The following CENPQ variants were observed in gnomAD, a reference collection of about 807,000 sequenced individuals.
The protein encoded by CENPQ is chromosome 6 open reading frame 139.
CENPQ carries 27 observed loss-of-function variants against 36.6 expected under a neutral mutation model. The observed-to-expected ratio is 0.74, with a 90% CI of 0.54 to 1.02. The LOEUF (loss-of-function observed/expected upper bound fraction) is 1.02. Among genes scored for constraint, CENPQ ranks in the 50% least tolerant of loss-of-function variants. The pLI, the probability that CENPQ is intolerant of heterozygous loss-of-function variation, is 0.00. For synonymous variants in CENPQ, 101 were observed against 101.7 expected, an observed-to-expected ratio of 0.99 and a Z score of 0.04; for missense variants, 306 against 301.8, an observed-to-expected ratio of 1.01 and a Z score of -0.10.
intron 6 of CENPQ, among the ~76,000 whole-genome samples, chr6:49,482,796 C>A (rs964038674): frequency 4.6e-5 from 7 of 152,022 alleles, no homozygotes; most frequent in Admixed American, 3.9e-4. Context: ...GCCACAGACC[C>A]TCGTGGTGAG....
At chr6:49,466,727 G>A (rs990484556) in intron 1 of CENPQ, among the ~76,000 whole-genome samples, 3 of 151,930 alleles carry the variant, frequency 2.0e-5, no homozygotes, top group East Asian at 3.9e-4. Flanking sequence ...CTCAAATACC[G>A]TTCTAGGTGG....
intron 5 of CENPQ, 57 bp from the exon 6 acceptor site, chr6:49,480,894 A>C: frequency 7.8e-7 from 1 of 1,287,870 alleles, no homozygotes; most frequent in Non-Finnish European, 1.1e-6. Context: ...GGACTGTTTT[A>C]AAATAATAAT....
At chr6:49,483,842 G>A (rs1444649106) in intron 6 of CENPQ, among the ~76,000 whole-genome samples, 1 of 152,202 alleles carries the variant, frequency 6.6e-6, no homozygotes, top group Non-Finnish European at 1.5e-5. Flanking sequence ...TCCAGCCTTG[G>A]CCAGCCCAGA....
chr6:49,467,204 G>A (rs985904633), intron 1 of CENPQ, among the ~76,000 whole-genome samples: 2 of 152,208 alleles, frequency 1.3e-5, no homozygotes, highest in Non-Finnish European at 2.9e-5. Flanking sequence ...CTCAAACTCT[G>A]TTAGACCAGT....
At chr6:49,472,032 T>C (rs1768147505) in intron 3 of CENPQ, 31 bp from the exon 4 acceptor site, 1 of 1,574,956 alleles carries the variant, frequency 6.3e-7, no homozygotes, top group African/African-American at 1.4e-5. Context: ...ACATCTAGAT[T>C]GATCAGAGCC....
chr6:49,480,435 A>G (rs1768400147), intron 5 of CENPQ, among the ~76,000 whole-genome samples: 1 of 152,166 alleles, frequency 6.6e-6, no homozygotes, highest in African/African-American at 2.4e-5. Flanking sequence ...TTAGTGTTTT[A>G]TTTGCCTTAA....
chr6:49,483,723 T>G (rs1581853871), intron 6 of CENPQ, among the ~76,000 whole-genome samples: 1 of 152,214 alleles, frequency 6.6e-6, no homozygotes, highest in East Asian at 1.9e-4. Flanking sequence ...TGGGGCCTGC[T>G]AAACCCACGC....
chr6:49,468,378 A>G (rs1193283470), intron 1 of CENPQ, among the ~76,000 whole-genome samples: 1 of 151,806 alleles, frequency 6.6e-6, no homozygotes, highest in African/African-American at 2.4e-5. Context: ...GGATCACTTG[A>G]GGTCAGGAGT....
chr6:49,491,662 T>C (rs1466493625), intron 8 of CENPQ, among the ~76,000 whole-genome samples: 2 of 152,186 alleles, frequency 1.3e-5, no homozygotes, highest in Non-Finnish European at 2.9e-5. Context: ...ACACCTGTAA[T>C]CCCAGCACTT....
chr6:49,482,152 C>A (rs1435003442), intron 6 of CENPQ, among the ~76,000 whole-genome samples: 1 of 152,192 alleles, frequency 6.6e-6, no homozygotes, highest in Non-Finnish European at 1.5e-5. Flanking sequence ...CACCGGAACT[C>A]CAGCTGGCCC....
intron 1 of CENPQ, among the ~76,000 whole-genome samples, chr6:49,467,007 CAG>C (rs1003366035): frequency 1.4e-4 from 22 of 152,238 alleles, no homozygotes; most frequent in African/African-American, 5.3e-4. Flanking sequence ...TGGCTCTACT[CAG>C]GGGTTGGAAG....
intron 6 of CENPQ, among the ~76,000 whole-genome samples, chr6:49,487,487 T>C (rs1339937531): frequency 9.5e-6 from 1 of 104,956 alleles, no homozygotes; most frequent in Non-Finnish European, 2.0e-5. Flanking sequence ...GAAGCCAAAA[T>C]ATATTTCTTG....
At chr6:49,474,431 G>A (rs552394753) in intron 5 of CENPQ, among the ~76,000 whole-genome samples, 25 of 152,200 alleles carry the variant, frequency 1.6e-4, no homozygotes, top group African/African-American at 4.6e-4. Flanking sequence ...GGTACATAAC[G>A]AAATGAAGGC....
At chr6:49,471,961 C>T in intron 3 of CENPQ, 102 bp from the exon 4 acceptor site, 1 of 1,292,374 alleles carries the variant, frequency 7.7e-7, no homozygotes. Flanking sequence ...ATATTTTGTT[C>T]TGATAATTTC....
Position 49,470,982 on chromosome 6 carries a change from C to A in CENPQ, c.111C>A (p.Asn37Lys). 1.3e-6 allele frequency: 2 copies of A among 1,520,434 alleles called. No homozygotes were observed. Among genetic ancestry groups the A allele is most frequent in the Non-Finnish European group, 1.8e-6 (2 of 1,128,104 alleles). 94.2% of individuals were successfully genotyped at this position (1,520,434 alleles called of 1,614,324 possible). Residue 37 changes from asparagine to lysine, a missense_variant, in exon 3 of 9, where the codon AAC becomes AAA. By Grantham distance (94) the Asn-to-Lys change is moderately conservative. Coordinates refer to ENST00000335783, the MANE Select transcript of CENPQ (RefSeq NM_018132.4). Reference sequence around the variant, plus strand: ...TGTGTTTTTCCCTCTAGGTTAGAAACACAGTGAAAAAAAATAAAAATCATC... The same window carrying A: ...TGTGTTTTTCCCTCTAGGTTAGAAAAACAGTGAAAAAAAATAAAAATCATC... ...EVVLSENKVR[N>K]TVKKNKNHLK...
At chr6:49,472,031 T>C in intron 3 of CENPQ, 32 bp from the exon 4 acceptor site, 1 of 1,574,836 alleles carries the variant, frequency 6.3e-7, no homozygotes, top group Non-Finnish European at 8.6e-7. Context: ...AACATCTAGA[T>C]TGATCAGAGC....
At chr6:49,470,921 T>A in intron 2 of CENPQ, 53 bp from the exon 3 acceptor site, 1 of 1,054,818 alleles carries the variant, frequency 9.5e-7, no homozygotes, top group East Asian at 2.6e-5. Context: ...AGCAGGATCC[T>A]TTTATCTGAT....
chr6:49,475,957 C>T (rs1201343659), intron 5 of CENPQ, among the ~76,000 whole-genome samples: 1 of 152,138 alleles, frequency 6.6e-6, no homozygotes, highest in Non-Finnish European at 1.5e-5. Flanking sequence ...ATTCCATGCT[C>T]ATGGATGGGA....
intron 6 of CENPQ, among the ~76,000 whole-genome samples, chr6:49,484,606 A>G (rs1190862604): frequency 6.6e-6 from 1 of 152,242 alleles, no homozygotes; most frequent in Non-Finnish European, 1.5e-5. Flanking sequence ...CTGAAGGAAT[A>G]TATTCCCAAA....
Sources: allele counts gnomAD v4.1 joint callset (sites outside exome capture counted in the v4.1 genomes callset), GRCh38; gene constraint gnomAD v4.1.1; transcripts MANE v1.5; gene names NCBI Gene and HGNC (gene_info 2026-07-23, HGNC 2026-07-21).